PALM: variants seen among roughly 807,000 people sequenced by gnomAD.
The protein encoded by PALM is paralemmin.
PALM carries 18 observed loss-of-function variants against 30.7 expected under a neutral mutation model. That is an observed-to-expected ratio of 0.59 (90% CI 0.41 to 0.87). The LOEUF (loss-of-function observed/expected upper bound fraction) is 0.87, where lower values mean the gene tolerates loss of function less well. Among genes scored for constraint, PALM ranks in the 40% least tolerant of loss-of-function variants. PALM has a pLI of 0.00. For missense variants in PALM, 529 were observed against 555.4 expected (o/e 0.95, Z 0.48); for synonymous variants, 286 against 242.8 (o/e 1.18, Z -1.66).
In PALM at chr19:727,576, C is replaced by T. The variant is rs1418739332; in HGVS notation, c.151C>T (p.Arg51Trp). The change falls in exon 4 of 9, where the codon CGG becomes TGG. Residue 51 changes from arginine to tryptophan, a missense_variant. By Grantham distance (101) the Arg-to-Trp change is moderately radical. Transcript: ENST00000338448. ...QLQHLKSKAL[R>W]ERWLLEGTPS... ...CCCTGCTGCTCAGTCCAAGGCACTG[C>T]GGGAGCGCTGGCTGCTGGAGGGGAC... The T allele has an allele frequency of 6.3e-7, 1 of 1,588,312 alleles. No individual in the cohort carries two copies. Among genetic ancestry groups the T allele is most frequent in the Non-Finnish European group, 8.6e-7 (1 of 1,168,158 alleles).
At position 719,036 on chromosome 19, in the gene PALM, A is replaced by AC. The variant is rs551581816; in HGVS notation, c.6-7096dup. The AC allele has an allele frequency of 2.2e-4, 40 of 184,608 alleles. 1 individual carries two copies. In the East Asian group the frequency reaches 0.013, roughly 60 times the overall value. The allele number at this position is 184,608 out of a possible 1,614,324, so 11.4% of individuals were successfully genotyped here. A position where few individuals can be genotyped will look rare whatever the true frequency, so the allele number is the denominator to read the frequency against. On this transcript the variant is annotated intron_variant, in intron 1 of 8. Coordinates refer to ENST00000338448, the MANE Select transcript of PALM (RefSeq NM_002579.3). Reference sequence around the variant, plus strand: ...CCTCGCAGCCCCGCGTGACTCCCCCACCCCCCACAATGGCCAAGGTCACCG... The same window carrying AC: ...CCTCGCAGCCCCGCGTGACTCCCCCACCCCCCCACAATGGCCAAGGTCACCG...
chr19:714,241 T>C (rs1193601637), intron 1 of PALM, among the ~76,000 whole-genome samples: 3 of 150,890 alleles, frequency 2.0e-5, no homozygotes, highest in Non-Finnish European at 4.4e-5. Context: ...AGTTTCACCA[T>C]GTTGGCCAGG....
In PALM at chr19:746,541, G is replaced by T; in HGVS notation, c.891G>T (p.Pro297=). ...PPGIQPGQEP[P]VTMIFMGYQN... ...GGATCCAGCCCGGCCAGGAGCCCCCGGTCACAATGATCTTCATGGGTTACC... is the reference window on the plus strand; with the variant it reads ...GGATCCAGCCCGGCCAGGAGCCCCCTGTCACAATGATCTTCATGGGTTACC... Residue 297 remains proline, a synonymous_variant, in exon 9 of 9, where the codon CCG becomes CCT. Coordinates refer to ENST00000338448, the MANE Select transcript of PALM (RefSeq NM_002579.3). The surrounding 1 kb of genome is among the most constrained non-coding windows in gnomAD (Gnocchi z 7.1). 1 of 1,613,132 alleles carries T rather than the reference G, an allele frequency of 6.2e-7. No homozygotes were observed. The highest frequency in any genetic ancestry group is 8.5e-7 in the Non-Finnish European group (1 of 1,179,882).
At chr19:737,570 C>T (rs565543822) in intron 7 of PALM, among the ~76,000 whole-genome samples, 43 of 152,004 alleles carry the variant, frequency 2.8e-4, no homozygotes, top group Admixed American at 9.2e-4. Context: ...GGGAGGGGAG[C>T]GTTCAACGTA....
chr19:716,505 G>GCCAGGC (rs1238336620), intron 1 of PALM, among the ~76,000 whole-genome samples: 1 of 152,182 alleles, frequency 6.6e-6, no homozygotes, highest in East Asian at 1.9e-4. Flanking sequence ...GTGGGACAGG[G>GCCAGGC]CCAGGCCTGG....
chr19:727,859 G>T, intron 4 of PALM, 165 bp downstream of exon 4: 1 of 674,226 alleles, frequency 1.5e-6, no homozygotes, highest in Non-Finnish European at 2.5e-6. Context: ...GGACGGGACA[G>T]ATCAGGTTGG....
chr19:728,163 C>A (rs1303562784), intron 4 of PALM, among the ~76,000 whole-genome samples: 2 of 152,136 alleles, frequency 1.3e-5, no homozygotes, highest in Non-Finnish European at 2.9e-5. Flanking sequence ...GCTGGGCCCG[C>A]AGGAAGCTCG....
Position 746,300 on chromosome 19 carries a change from A to G in PALM, c.650A>G (p.Asp217Gly). ...EDETKVVHAV[D>G]GTAENGIHPL... ...CCTTGTACAGTGGTCCATGCTGTGG[A>G]CGGCACCGCCGAGAACGGGATCCAC... Residue 217 changes from aspartate to glycine, a missense_variant, in exon 9 of 9, where the codon GAC becomes GGC. Physicochemically the swap from Asp to Gly is moderately conservative, Grantham distance 94. Coordinates refer to ENST00000338448, the MANE Select transcript of PALM (RefSeq NM_002579.3). This position sits in a 1 kb window ranked among gnomAD's most constrained non-coding sequence, Gnocchi z 7.1. 1 of 1,611,702 alleles carries G rather than the reference A, an allele frequency of 6.2e-7. No individual in the cohort carries two copies. Among genetic ancestry groups the G allele is most frequent in the Non-Finnish European group, 8.5e-7 (1 of 1,179,146 alleles).
intron 4 of PALM, among the ~76,000 whole-genome samples, chr19:729,901 C>T (rs2032816253): frequency 6.6e-6 from 1 of 152,204 alleles, no homozygotes; most frequent in South Asian, 2.1e-4. Flanking sequence ...TGGGCGAAGG[C>T]AGTGGGAGTT....
At chr19:721,559 C>G (rs1446877276) in intron 1 of PALM, among the ~76,000 whole-genome samples, 1 of 151,938 alleles carries the variant, frequency 6.6e-6, no homozygotes, top group Admixed American at 6.6e-5. Flanking sequence ...AGCCACCGTG[C>G]CTGGCCTTCT....
intron 1 of PALM, among the ~76,000 whole-genome samples, chr19:710,827 T>C (rs575666164): frequency 1.3e-4 from 20 of 152,346 alleles, no homozygotes; most frequent in Admixed American, 1.2e-3. Flanking sequence ...GTTAACCGGC[T>C]GCTGTGAGCC....
rs1050457 is a variant in PALM at position 731,144 on chromosome 19, A to G, written c.319A>G (p.Thr107Ala). 740,806 of 1,598,300 alleles carry G rather than the reference A, an allele frequency of 0.46. 174,548 individuals are homozygous for G. Among genetic ancestry groups the G allele is most frequent in the African/African-American group, 0.69 (51,248 of 74,506 alleles). The change falls in exon 5 of 9, where the codon ACT becomes GCT. Residue 107 changes from threonine (T) to alanine (A), a missense_variant. Thr to Ala is a moderately conservative substitution (Grantham distance 58). Coordinates refer to ENST00000338448, the MANE Select transcript of PALM (RefSeq NM_002579.3). ...VLERGDSAPA[T>A]AKENAAAPSP... is the part of the protein sequence containing the mutation. ...GGAGCGTGGAGACTCCGCCCCAGCC[A>G]CTGCCAAGGAGAACGCGGCGGCCCC...
At chr19:733,958 C>T (rs543496178) in intron 5 of PALM, among the ~76,000 whole-genome samples, 54 of 152,266 alleles carry the variant, frequency 3.5e-4, no homozygotes, top group African/African-American at 1.2e-3. Flanking sequence ...TGCACTCCGG[C>T]CTGGGCGACA....
chr19:737,032 G>A (rs2283583), intron 7 of PALM, among the ~76,000 whole-genome samples: 13,014 of 152,288 alleles, frequency 0.085, 759 homozygotes, highest in South Asian at 0.18. Context: ...CAGCCTGGGC[G>A]ACAAGAGCAA....
chr19:725,969 C>T (rs970212681), intron 1 of PALM, among the ~76,000 whole-genome samples, 169 bp from the exon 2 acceptor site: 1 of 152,178 alleles, frequency 6.6e-6, no homozygotes, highest in African/African-American at 2.4e-5. Flanking sequence ...TCCTTGGCCG[C>T]TGAGGGGGCA....
At chr19:745,259 T>C (rs1431217868) in intron 8 of PALM, among the ~76,000 whole-genome samples, 1 of 152,230 alleles carries the variant, frequency 6.6e-6, no homozygotes, top group East Asian at 1.9e-4. Context: ...CAGGCCCCGA[T>C]GCGGGGAAGG....
chr19:724,568 A>G (rs770464427), intron 1 of PALM, among the ~76,000 whole-genome samples: 33 of 151,354 alleles, frequency 2.2e-4, no homozygotes, highest in Non-Finnish European at 4.3e-4. Flanking sequence ...TGATCCTCCC[A>G]CCTCAGCCTC....
chr19:728,921 G>A (rs928665211), intron 4 of PALM, among the ~76,000 whole-genome samples: 5 of 151,820 alleles, frequency 3.3e-5, no homozygotes, highest in Admixed American at 6.6e-5. Flanking sequence ...GGAGAATGGC[G>A]TGAACCCGGG....
At chr19:743,423 C>T (rs1181968005) in intron 8 of PALM, among the ~76,000 whole-genome samples, 1 of 152,214 alleles carries the variant, frequency 6.6e-6, no homozygotes, top group Non-Finnish European at 1.5e-5. Context: ...GGCTCCAATT[C>T]CTGTCTTGGG....
Sources: allele counts gnomAD v4.1 joint callset (sites outside exome capture counted in the v4.1 genomes callset), GRCh38; gene constraint gnomAD v4.1.1; non-coding constraint Gnocchi (gnomAD v3.1); transcripts MANE v1.5; gene names NCBI Gene and HGNC (gene_info 2026-07-23, HGNC 2026-07-21).